The following RNGTT variants were observed in gnomAD, a reference collection of about 807,000 sequenced individuals.
RNGTT encodes RNA guanylyltransferase and 5'-phosphatase.
A neutral mutation model predicts 79.3 loss-of-function variants in RNGTT; 33 were observed. The observed-to-expected ratio is 0.42, with a 90% CI of 0.32 to 0.56. The LOEUF is 0.56. RNGTT is among the 20% of genes least tolerant of loss of function. The pLI is 0.17. For synonymous variants in RNGTT, 222 were observed against 235.9 expected (o/e 0.94, Z 0.54); for missense variants, 497 against 739.1 (o/e 0.67, Z 3.80).
At chr6:88,644,546 C>T (rs1773460886) in intron 14 of RNGTT, among the ~76,000 whole-genome samples, 1 of 151,806 alleles carries the variant, frequency 6.6e-6, no homozygotes, top group Admixed American at 6.6e-5. Flanking sequence ...AGAGACACAA[C>T]AAAAAAAGAG....
intron 13 of RNGTT, among the ~76,000 whole-genome samples, chr6:88,734,094 A>T (rs1033594390): frequency 6.6e-6 from 1 of 152,162 alleles, no homozygotes; most frequent in African/African-American, 2.4e-5. Context: ...ATAACTGTCT[A>T]TTCAAAGTAA....
At position 88,762,264 on chromosome 6, in the gene RNGTT, G is replaced by A. The variant is rs538066493; in HGVS notation, c.1439+7510C>T. The stretch of plus-strand genomic sequence containing the variant: ...AAACGAATTTCCACATTGGCTGTCT[G>A]ACCCACGGAATAAGGGTCATTATGC... On this transcript the variant is annotated intron_variant, in intron 13 of 15. Transcript: ENST00000369485. Among the ~76,000 whole-genome samples the A allele has an allele frequency of 1.4e-4, 22 of 152,282 alleles. No homozygotes were observed. The South Asian group carries it at 4.1e-3, about 29-fold the overall frequency.
At chr6:88,937,529 T>C (rs1238647240) in intron 2 of RNGTT, among the ~76,000 whole-genome samples, 2 of 136,694 alleles carry the variant, frequency 1.5e-5, no homozygotes, top group African/African-American at 5.8e-5. Flanking sequence ...TTCTTTGTAT[T>C]TTTTTTTTTA....
chr6:88,625,292 A>G (rs1772585759), intron 14 of RNGTT, among the ~76,000 whole-genome samples: 1 of 152,010 alleles, frequency 6.6e-6, no homozygotes, highest in African/African-American at 2.4e-5. Context: ...TGTTTACAGT[A>G]TATTTATTTG....
chr6:88,644,383 C>A (rs952836786), intron 14 of RNGTT, among the ~76,000 whole-genome samples: 1 of 151,968 alleles, frequency 6.6e-6, no homozygotes, highest in African/African-American at 2.4e-5. Flanking sequence ...CAAAAAAAGT[C>A]CAGGACCAGA....
chr6:88,731,880 T>C (rs1777128097), intron 13 of RNGTT, among the ~76,000 whole-genome samples: 2 of 152,196 alleles, frequency 1.3e-5, no homozygotes, highest in African/African-American at 4.8e-5. Context: ...ACATATATTT[T>C]GTATATGTAT....
intron 7 of RNGTT, 99 bp from the exon 8 acceptor site, chr6:88,890,695 T>G (rs1263069421): frequency 5.8e-6 from 4 of 693,774 alleles, no homozygotes; most frequent in Non-Finnish European, 9.7e-6. Context: ...TATCACAATG[T>G]TCTCCCTATG....
chr6:88,892,494 T>C (rs188077990), intron 6 of RNGTT, among the ~76,000 whole-genome samples: 39 of 152,212 alleles, frequency 2.6e-4, no homozygotes, highest in African/African-American at 9.1e-4. Context: ...AGTCATTGGA[T>C]ATATTAACAT....
intron 10 of RNGTT, among the ~76,000 whole-genome samples, chr6:88,846,699 GC>G (rs1274441494): frequency 6.6e-6 from 1 of 151,804 alleles, no homozygotes; most frequent in East Asian, 1.9e-4. Flanking sequence ...GGCAGAGGTT[GC>G]TGTGAGCTGA....
At chr6:88,916,724 C>T (rs897061940) in intron 4 of RNGTT, among the ~76,000 whole-genome samples, 1 of 152,098 alleles carries the variant, frequency 6.6e-6, no homozygotes, top group African/African-American at 2.4e-5. Flanking sequence ...TCACTTTAAT[C>T]TCATTTGTAT....
intron 2 of RNGTT, among the ~76,000 whole-genome samples, chr6:88,929,981 TGC>T (rs1431747060): frequency 1.4e-3 from 200 of 145,008 alleles, no homozygotes; most frequent in African/African-American, 4.7e-3. Context: ...CATGCATATG[TGC>T]ATATACATGT....
intron 1 of RNGTT, among the ~76,000 whole-genome samples, chr6:88,962,823 T>C (rs541101058): frequency 7.5e-4 from 114 of 152,124 alleles, no homozygotes; most frequent in African/African-American, 2.7e-3. Context: ...CCCAGCTACT[T>C]GGGAGGCTGA....
At chr6:88,669,652 C>A (rs1053671867) in intron 14 of RNGTT, among the ~76,000 whole-genome samples, 1 of 152,174 alleles carries the variant, frequency 6.6e-6, no homozygotes, top group African/African-American at 2.4e-5. Context: ...CAGGACTGGA[C>A]GGCTCCAGCT....
At chr6:88,716,054 C>T (rs1041285287) in intron 13 of RNGTT, among the ~76,000 whole-genome samples, 5 of 151,656 alleles carry the variant, frequency 3.3e-5, no homozygotes, top group Admixed American at 6.6e-5. Flanking sequence ...AGAAAATTTT[C>T]GTAACCTACT....
At chr6:88,770,405 T>C (rs942208166) in intron 12 of RNGTT, among the ~76,000 whole-genome samples, 24 of 152,192 alleles carry the variant, frequency 1.6e-4, no homozygotes, top group African/African-American at 5.1e-4. Flanking sequence ...AGAAATACTT[T>C]AAAAATAAAA....
At chr6:88,780,275 T>C (rs1386093688) in intron 12 of RNGTT, among the ~76,000 whole-genome samples, 1 of 152,150 alleles carries the variant, frequency 6.6e-6, no homozygotes, top group East Asian at 1.9e-4. Flanking sequence ...AAAAATGAAA[T>C]ATCTGAGATT....
chr6:88,674,070 G>C (rs1259870419), intron 14 of RNGTT, among the ~76,000 whole-genome samples: 1 of 152,118 alleles, frequency 6.6e-6, no homozygotes, highest in Non-Finnish European at 1.5e-5. Flanking sequence ...ATTAAAAATG[G>C]AAGACAAAAA....
chr6:88,769,169 T>C (rs1778563980), intron 13 of RNGTT, among the ~76,000 whole-genome samples: 1 of 151,712 alleles, frequency 6.6e-6, no homozygotes, highest in South Asian at 2.1e-4. Context: ...GGGGGAGGTG[T>C]GCGGCGGGGG....
At chr6:88,829,869 G>A (rs1780797673) in intron 11 of RNGTT, among the ~76,000 whole-genome samples, 2 of 152,034 alleles carry the variant, frequency 1.3e-5, no homozygotes, top group Non-Finnish European at 2.9e-5. Flanking sequence ...ACCCAATACA[G>A]GAGCACCCAG....
Sources: allele counts gnomAD v4.1 joint callset (sites outside exome capture counted in the v4.1 genomes callset), GRCh38; gene constraint gnomAD v4.1.1; transcripts MANE v1.5; gene names NCBI Gene and HGNC (gene_info 2026-07-23, HGNC 2026-07-21).